The following PCDHGA3 variants were observed in gnomAD, a reference collection of about 807,000 sequenced individuals.
The protein encoded by PCDHGA3 is protocadherin gamma subfamily A, 3.
A neutral mutation model predicts 58.5 loss-of-function variants in PCDHGA3; 40 were observed. That is an observed-to-expected ratio of 0.68 (90% confidence interval 0.53 to 0.89). PCDHGA3 has a LOEUF of 0.89. PCDHGA3 is among the 40% of genes least tolerant of loss of function. The probability of loss-of-function intolerance (pLI) is 0.00; values close to 1 mark genes in which losing one functional copy is unlikely to be tolerated. For synonymous variants in PCDHGA3, 530 were observed against 525.7 expected, an observed-to-expected ratio of 1.01 and a Z score of -0.11; for missense variants, 1,223 against 1,195.9, an observed-to-expected ratio of 1.02 and a Z score of -0.33.
chr5:141,366,665 C>A (rs779874955), intron 1 of PCDHGA3: 2 of 1,614,100 alleles, frequency 1.2e-6, no homozygotes, highest in East Asian at 4.5e-5. Context: ...CGCAGACACG[C>A]TCCTTAGTGA....
intron 1 of PCDHGA3, chr5:141,412,395 T>G (rs941350125): frequency 1.3e-5 from 2 of 152,246 alleles, no homozygotes; most frequent in African/African-American, 4.8e-5. Flanking sequence ...ATTTAACTTG[T>G]ATCCCTGTAA....
rs776825429 is a variant in PCDHGA3 at position 141,375,161 on chromosome 5, G to C, written c.2424+28704G>C. On this transcript the variant is annotated intron_variant, in intron 1 of 3. Transcript: ENST00000253812. ...TGGAAGCAGAACAATTGCTGAAAGT[G>C]CACCTCCAGGAACAGTAATCGCCCT... 2.5e-6 allele frequency: 4 copies of C among 1,613,940 alleles called. No individual in the cohort carries two copies. In the Admixed American group the frequency reaches 6.7e-5, roughly 27 times the overall value.
intron 1 of PCDHGA3, chr5:141,433,069 C>T (rs561950316): frequency 2.5e-6 from 4 of 1,614,080 alleles, no homozygotes; most frequent in African/African-American, 1.3e-5. Context: ...ACCTGATCTT[C>T]CCCCAGCCCA....
At chr5:141,435,103 G>A (rs1468698388) in intron 1 of PCDHGA3, among the ~76,000 whole-genome samples, 2 of 151,914 alleles carry the variant, frequency 1.3e-5, no homozygotes, top group African/African-American at 2.4e-5. Flanking sequence ...TTTATCTAGG[G>A]GGGAGAAATC....
chr5:141,426,310 A>G, intron 1 of PCDHGA3: 1 of 173,588 alleles, frequency 5.8e-6, no homozygotes. Context: ...GAAGCAGAGA[A>G]GCAGGACCCG....
rs2097536640 is a variant in PCDHGA3 at position 141,432,779 on chromosome 5, G to C, written c.2425-62028G>C. 3 of 1,614,170 alleles carry C rather than the reference G, an allele frequency of 1.9e-6. No individual in the cohort carries two copies. The highest frequency in any genetic ancestry group is 2.5e-6 in the Non-Finnish European group (3 of 1,180,002). On this transcript the variant is annotated intron_variant, in intron 1 of 3. Coordinates refer to ENST00000253812, the MANE Select transcript of PCDHGA3 (RefSeq NM_018916.4). The surrounding 1 kb of genome is among the most constrained non-coding windows in gnomAD (Gnocchi z 6.0). Reference sequence around the variant, plus strand: ...CGACAGCATCCCCCAAGTCCTGGCGGACCTCGGCAGCCTCGAGTCTCCAGC... The same window carrying C: ...CGACAGCATCCCCCAAGTCCTGGCGCACCTCGGCAGCCTCGAGTCTCCAGC...
At chr5:141,410,851 T>A in intron 1 of PCDHGA3, 3 of 207,068 alleles carry the variant, frequency 1.4e-5, no homozygotes, top group Non-Finnish European at 1.7e-5. Flanking sequence ...GTCTTTGTCT[T>A]TTTTTTTTTT....
intron 1 of PCDHGA3, among the ~76,000 whole-genome samples, chr5:141,386,242 G>A (rs1359369432): frequency 1.3e-5 from 2 of 152,146 alleles, no homozygotes; most frequent in Non-Finnish European, 2.9e-5. Flanking sequence ...AATTCAGTTG[G>A]AAATAACCCA....
Position 141,432,036 on chromosome 5 carries a change from AC to A in PCDHGA3, c.2425-62769del, listed in dbSNP as rs1419691535. The A allele has an allele frequency of 6.2e-7, 1 of 1,614,218 alleles. No individual in the cohort carries two copies. The highest frequency in any genetic ancestry group is 1.3e-5 in the African/African-American group (1 of 75,048). On this transcript the variant is annotated intron_variant, in intron 1 of 3. Coordinates refer to ENST00000253812, the MANE Select transcript of PCDHGA3 (RefSeq NM_018916.4). This position sits in a 1 kb window ranked among gnomAD's most constrained non-coding sequence, Gnocchi z 6.0. ...TACAACATCACAGTGACCGCCACTG[AC>A]CGGGGAACCCCGCCCCTATCCACGG...
intron 1 of PCDHGA3, chr5:141,422,413 GAA>G (rs753790858): frequency 6.2e-7 from 1 of 1,604,644 alleles, no homozygotes; most frequent in South Asian, 1.1e-5. Flanking sequence ...TTTTAAATTA[GAA>G]AAGACTTATG....
chr5:141,404,907 C>T (rs2094582940), intron 1 of PCDHGA3: 1 of 1,613,890 alleles, frequency 6.2e-7, no homozygotes. Context: ...CATGGCCAGC[C>T]CCCTCTCTCG....
At chr5:141,425,802 C>T (rs966768224) in intron 1 of PCDHGA3, among the ~76,000 whole-genome samples, 6 of 152,160 alleles carry the variant, frequency 3.9e-5, no homozygotes, top group African/African-American at 1.4e-4. Context: ...ATGTGCATTG[C>T]TTCTGCTTAG....
chr5:141,381,890 T>C (rs1471901059), intron 1 of PCDHGA3, among the ~76,000 whole-genome samples: 1 of 139,844 alleles, frequency 7.2e-6, no homozygotes, highest in African/African-American at 2.7e-5. Context: ...AGTGCAATGG[T>C]GTGATCTCGG....
At position 141,486,092 on chromosome 5, in the gene PCDHGA3, C is replaced by T. The variant is rs2099624294; in HGVS notation, c.2425-8715C>T. The T allele has an allele frequency of 3.7e-6, 6 of 1,614,148 alleles. No homozygotes were observed. In the East Asian group the frequency reaches 1.3e-4, roughly 36 times the overall value. On this transcript the variant is annotated intron_variant, in intron 1 of 3. Coordinates refer to ENST00000253812, the MANE Select transcript of PCDHGA3 (RefSeq NM_018916.4). This position sits in a 1 kb window ranked among gnomAD's most constrained non-coding sequence, Gnocchi z 5.0. Reference sequence around the variant, plus strand: ...TACTGGAAAGCTTACTCTTTTGGGGCCCCTAGACTTTGAGAGTGAGAATTA... The same window carrying T: ...TACTGGAAAGCTTACTCTTTTGGGGTCCCTAGACTTTGAGAGTGAGAATTA...
chr5:141,392,704 G>A, intron 1 of PCDHGA3: 1 of 1,281,856 alleles, frequency 7.8e-7, no homozygotes, highest in East Asian at 2.6e-5. Flanking sequence ...CCTGTTTGGA[G>A]GCACTCCAGG....
At chr5:141,461,007 A>G (rs965754689) in intron 1 of PCDHGA3, among the ~76,000 whole-genome samples, 1 of 151,418 alleles carries the variant, frequency 6.6e-6, no homozygotes, top group Non-Finnish European at 1.5e-5. Flanking sequence ...GTGTATATAT[A>G]TATACCACAT....
intron 1 of PCDHGA3, chr5:141,393,020 A>G: frequency 2.5e-6 from 4 of 1,613,760 alleles, no homozygotes; most frequent in Non-Finnish European, 3.4e-6. Flanking sequence ...TCGTCTCCAG[A>G]GGTAGGACGC....
intron 1 of PCDHGA3, among the ~76,000 whole-genome samples, chr5:141,386,156 G>A (rs3806832): frequency 0.081 from 12,379 of 152,152 alleles, 653 homozygotes; most frequent in African/African-American, 0.15. Context: ...ACTGTCTCAC[G>A]TACTCAAACC....
chr5:141,368,358 T>C (rs975502354), intron 1 of PCDHGA3, among the ~76,000 whole-genome samples: 9 of 151,988 alleles, frequency 5.9e-5, no homozygotes, highest in African/African-American at 1.9e-4. Flanking sequence ...CACACATATA[T>C]ATACACACAT....
Sources: allele counts gnomAD v4.1 joint callset (sites outside exome capture counted in the v4.1 genomes callset), GRCh38; gene constraint gnomAD v4.1.1; non-coding constraint Gnocchi (gnomAD v3.1); transcripts MANE v1.5; gene names NCBI Gene and HGNC (gene_info 2026-07-23, HGNC 2026-07-21).